PI4KA: variants seen among roughly 807,000 people sequenced by gnomAD.
The protein encoded by PI4KA is phosphatidylinositol 4-kinase alpha, also known as PI4-kinase alpha.
A neutral mutation model predicts 271.4 loss-of-function variants in PI4KA; 122 were observed. The ratio of observed to expected loss-of-function variants is 0.45; its 90% confidence interval spans 0.39 to 0.52. The LOEUF (loss-of-function observed/expected upper bound fraction) is 0.52. Among genes scored for constraint, PI4KA ranks in the 20% least tolerant of loss-of-function variants. PI4KA has a pLI of 0.00. For synonymous variants in PI4KA, 1,041 were observed against 1,078.8 expected, an observed-to-expected ratio of 0.96 and a Z score of 0.69; for missense variants, 1,969 against 2,769.1, an observed-to-expected ratio of 0.71 and a Z score of 6.48.
intron 1 of PI4KA, among the ~76,000 whole-genome samples, chr22:20,846,891 T>C (rs1373057737): frequency 6.8e-6 from 1 of 147,862 alleles, no homozygotes; most frequent in African/African-American, 2.5e-5. Flanking sequence ...CTCATGCCTG[T>C]AATCCCAGCA....
intron 3 of PI4KA, among the ~76,000 whole-genome samples, chr22:20,827,462 G>A (rs959958972): frequency 1.3e-5 from 2 of 152,090 alleles, no homozygotes; most frequent in Admixed American, 6.5e-5. Flanking sequence ...CTGTAGTAGA[G>A]GTGAAGTTTG....
intron 5 of PI4KA, 48 bp downstream of exon 5, chr22:20,820,491 A>G: frequency 8.3e-7 from 1 of 1,210,662 alleles, no homozygotes; most frequent in South Asian, 1.3e-5. Context: ...AGCAAGGGAA[A>G]GAGTAACCAC....
At position 20,722,963 on chromosome 22, in the gene PI4KA, G is replaced by C. The variant is rs548721741; in HGVS notation, c.4996-1545C>G. ...TTCCAAAGTCAAAATTATTAAATAT[G>C]GTACATATCTGTCAGTTCCATCCTG... On this transcript the variant is annotated intron_variant, in intron 42 of 54. Coordinates refer to ENST00000255882, the MANE Select transcript of PI4KA (RefSeq NM_058004.4). Among the ~76,000 whole-genome samples, 5 of 152,078 alleles carry C rather than the reference G, an allele frequency of 3.3e-5. No individual in the cohort carries two copies. The East Asian group carries it at 9.7e-4, about 29-fold the overall frequency.
chr22:20,720,348 G>A (rs1312944405), intron 43 of PI4KA, among the ~76,000 whole-genome samples: 2 of 152,030 alleles, frequency 1.3e-5, no homozygotes, highest in Non-Finnish European at 2.9e-5. Flanking sequence ...GAGCCACCAT[G>A]CCCAGACTGC....
rs745335276 is a variant in PI4KA, at chr22:20,820,521, C to T, written c.529+18G>A. 1 of 1,552,880 alleles carries T rather than the reference C, an allele frequency of 6.4e-7. No homozygotes were observed. The highest frequency in any genetic ancestry group is 8.8e-7 in the Non-Finnish European group (1 of 1,132,890). ...AACCACAAAACCATTTTAAGAAAAA[C>T]CTTAAGGATACTCGTACCTTTGTCT... On this transcript the variant is annotated intron_variant, in intron 5 of 54. Transcript: ENST00000255882.
intron 19 of PI4KA, among the ~76,000 whole-genome samples, chr22:20,782,844 G>T (rs1933902946): frequency 6.6e-6 from 1 of 152,162 alleles, no homozygotes; most frequent in Non-Finnish European, 1.5e-5. Flanking sequence ...GAAACCCTGG[G>T]TGAGGCAGAC....
chr22:20,783,179 G>A (rs1021563466), intron 19 of PI4KA, among the ~76,000 whole-genome samples: 27 of 152,172 alleles, frequency 1.8e-4, no homozygotes, highest in Non-Finnish European at 3.7e-4. Flanking sequence ...ACATAGACAT[G>A]GGCTTATTCC....
Position 20,751,655 on chromosome 22 carries a change from G to A in PI4KA, c.3069+19C>T. The stretch of plus-strand genomic sequence containing the variant: ...AGAGCGGGTGGTGTTTGGGCCCTAG[G>A]TCTCCTGGGGACACTCACAGCGCTC... On this transcript the variant is annotated intron_variant, in intron 26 of 54. Coordinates refer to ENST00000255882, the MANE Select transcript of PI4KA (RefSeq NM_058004.4). 6.2e-7 allele frequency: 1 copy of A among 1,606,258 alleles called. No homozygotes were observed. Among genetic ancestry groups the A allele is most frequent in the South Asian group, 1.1e-5 (1 of 90,950 alleles).
chr22:20,751,756 C>T lies in PI4KA; in HGVS notation c.2988-1G>A. On this transcript the variant is annotated splice_acceptor_variant, in intron 25 of 54. Coordinates refer to ENST00000255882, the MANE Select transcript of PI4KA (RefSeq NM_058004.4). LOFTEE classifies it high-confidence loss of function. The stretch of plus-strand genomic sequence containing the variant: ...CCCGCTCCAGAGCAAGTGGGGAAAC[C>T]TGCACCAAGAGCCAGCTCTCAGGAC... 6.2e-7 allele frequency: 1 copy of T among 1,613,884 alleles called. No homozygotes were observed. Among genetic ancestry groups the T allele is most frequent in the Non-Finnish European group, 8.5e-7 (1 of 1,179,774 alleles).
chr22:20,772,125 T>A (rs1322772208), intron 19 of PI4KA, among the ~76,000 whole-genome samples: 1 of 152,228 alleles, frequency 6.6e-6, no homozygotes, highest in Non-Finnish European at 1.5e-5. Flanking sequence ...AATTAATGTA[T>A]CTCATTTAAT....
At position 20,799,577 on chromosome 22, in the gene PI4KA, AG is replaced by A. The variant is rs1183702768; in HGVS notation, c.1820+93del. On this transcript the variant is annotated intron_variant, in intron 15 of 54. Coordinates refer to ENST00000255882, the MANE Select transcript of PI4KA (RefSeq NM_058004.4). ...GCCTATGCTCTGAGACAAGGAGATA[AG>A]GACAGAGGCATGCATACGCACAATG... 8 of 874,820 alleles carry A rather than the reference AG, an allele frequency of 9.1e-6. No homozygotes were observed. The African/African-American group carries it at 1.2e-4, about 13-fold the overall frequency. 54.2% of individuals were successfully genotyped at this position (874,820 alleles called of 1,614,324 possible). A position where few individuals can be genotyped will look rare whatever the true frequency, so the allele number is the denominator to read the frequency against.
intron 42 of PI4KA, among the ~76,000 whole-genome samples, chr22:20,724,747 A>G (rs1927147465): frequency 6.6e-6 from 1 of 152,184 alleles, no homozygotes; most frequent in South Asian, 2.1e-4. Context: ...GCCACCACCA[A>G]GAGTTCACAC....
intron 43 of PI4KA, 147 bp from the exon 44 acceptor site, chr22:20,718,969 C>G: frequency 1.2e-6 from 1 of 849,710 alleles, no homozygotes; most frequent in Middle Eastern, 3.5e-4. Flanking sequence ...CCGTGTGCCC[C>G]TTTTGCTGTG....
At chr22:20,720,770 T>C (rs1056914320) in intron 43 of PI4KA, among the ~76,000 whole-genome samples, 6 of 152,358 alleles carry the variant, frequency 3.9e-5, no homozygotes, top group Middle Eastern at 3.4e-3. Flanking sequence ...TTTAGTTTTT[T>C]GGGGAAAGTT....
chr22:20,751,652 T>C, intron 26 of PI4KA, 22 bp downstream of exon 26: 1 of 1,600,202 alleles, frequency 6.2e-7, no homozygotes, highest in Middle Eastern at 1.7e-4. Flanking sequence ...GTTTGGGCCC[T>C]AGGTCTCCTG....
chr22:20,725,634 C>A, intron 42 of PI4KA: 1 of 408,640 alleles, frequency 2.4e-6, no homozygotes. Flanking sequence ...GTGGCTCAGG[C>A]CTATAATCCC....
intron 19 of PI4KA, among the ~76,000 whole-genome samples, chr22:20,792,295 G>C (rs1160086971): frequency 6.6e-6 from 1 of 152,180 alleles, no homozygotes; most frequent in Non-Finnish European, 1.5e-5. Flanking sequence ...GATGGTGTGA[G>C]CAGGGGAACG....
chr22:20,720,598 A>G (rs1156946832), intron 43 of PI4KA, among the ~76,000 whole-genome samples: 1 of 152,216 alleles, frequency 6.6e-6, no homozygotes, highest in East Asian at 1.9e-4. Flanking sequence ...AGTATCAAAA[A>G]GAATCTCCAC....
At chr22:20,850,079 A>C (rs1601620343) in intron 1 of PI4KA, among the ~76,000 whole-genome samples, 1 of 152,186 alleles carries the variant, frequency 6.6e-6, no homozygotes, top group East Asian at 1.9e-4. Flanking sequence ...TGAATACACT[A>C]AATATGATGA....
Sources: gnomAD v4.1 joint callset for allele counts (sites outside exome capture counted in the v4.1 genomes callset) on GRCh38, gnomAD v4.1.1 for gene constraint, MANE v1.5 for transcripts, NCBI Gene and HGNC (gene_info 2026-07-23, HGNC 2026-07-21) for gene names.